The following EYS variants were observed in gnomAD, a reference collection of about 807,000 sequenced individuals.
The protein encoded by EYS is protein eyes shut homolog.
Under a neutral mutation model 282.1 loss-of-function variants are expected in EYS, and 250 were observed. The observed-to-expected ratio is 0.89, with a 90% CI of 0.80 to 0.98. EYS has a LOEUF of 0.98. Among genes scored for constraint, EYS ranks in the 50% least tolerant of loss-of-function variants. The pLI, the probability that EYS is intolerant of heterozygous loss-of-function variation, is 0.00. For synonymous variants in EYS, 1,355 were observed against 1,282.9 expected, an observed-to-expected ratio of 1.06 and a Z score of -1.20; for missense variants, 4,016 against 3,709.0, an observed-to-expected ratio of 1.08 and a Z score of -2.15.
intron 31 of EYS, among the ~76,000 whole-genome samples, chr6:64,226,493 G>C (rs1206717891): frequency 1.3e-5 from 2 of 152,016 alleles, no homozygotes; most frequent in Non-Finnish European, 2.9e-5. Context: ...TTAATAGTCA[G>C]AGGCATACGC....
intron 14 of EYS, among the ~76,000 whole-genome samples, chr6:64,991,472 G>C (rs13191815): frequency 0.26 from 39,910 of 151,240 alleles, 6,526 homozygotes; most frequent in African/African-American, 0.45. Flanking sequence ...TGAACCTTTT[G>C]GATATCATAA....
intron 26 of EYS, among the ~76,000 whole-genome samples, chr6:64,534,117 C>A (rs1005750242): frequency 6.6e-6 from 1 of 151,548 alleles, no homozygotes; most frequent in South Asian, 2.1e-4. Flanking sequence ...TGTCAAAAAT[C>A]ATCAAACCTA....
rs183813455 is a variant in EYS, at chr6:65,691,563, T to C, written c.-448+15572A>G. Among the ~76,000 whole-genome samples, 10 of 150,274 alleles carry C rather than the reference T, an allele frequency of 6.7e-5. 1 individual carries two copies. In the East Asian group the frequency reaches 2.3e-3, roughly 34 times the overall value. Reference sequence around the variant, plus strand: ...TTCACTCTGATGATACTTTCTTTTGTTGTGCAGACAATCTTTAGTTTAATT... The same window carrying C: ...TTCACTCTGATGATACTTTCTTTTGCTGTGCAGACAATCTTTAGTTTAATT... On this transcript the variant is annotated intron_variant, in intron 1 of 42. Coordinates refer to ENST00000503581, the MANE Select transcript of EYS (RefSeq NM_001142800.2).
chr6:65,056,360 C>A (rs1773413464), intron 13 of EYS, among the ~76,000 whole-genome samples: 1 of 151,924 alleles, frequency 6.6e-6, no homozygotes, highest in Non-Finnish European at 1.5e-5. Flanking sequence ...AAAATCTGGG[C>A]AGTAGAAAAA....
In EYS at chr6:63,721,200, A is replaced by C; in HGVS notation, c.8831T>G (p.Val2944Gly). The C allele has an allele frequency of 1.9e-5, 29 of 1,551,712 alleles. No homozygotes were observed. The highest frequency in any genetic ancestry group is 2.5e-5 in the Non-Finnish European group (29 of 1,146,932). The change falls in exon 43 of 43, where the codon GTG (valine) becomes GGG (glycine). Residue 2944 changes from valine to glycine, a missense_variant. Transcript: ENST00000503581. ...SYSCLCTLGWVGRYCENKTSF... is the reference protein window; with the variant it reads ...SYSCLCTLGWGGRYCENKTSF... The stretch of plus-strand genomic sequence containing the variant: ...AGTTTTGTTTTCACAATACCTTCCC[A>C]CCCAACCCAAAGTACACAGGCAACT...
At chr6:65,467,211 G>C (rs572400196) in intron 5 of EYS, among the ~76,000 whole-genome samples, 1 of 151,950 alleles carries the variant, frequency 6.6e-6, no homozygotes, top group Admixed American at 6.6e-5. Flanking sequence ...ATCAATGTAG[G>C]GGCCAATATA....
At chr6:65,639,259 A>T (rs948743011) in intron 2 of EYS, among the ~76,000 whole-genome samples, 2 of 152,264 alleles carry the variant, frequency 1.3e-5, no homozygotes, top group Non-Finnish European at 1.5e-5. Flanking sequence ...AGGAGTAGAG[A>T]AAGGAAGAGA....
intron 19 of EYS, among the ~76,000 whole-genome samples, chr6:64,880,880 A>G (rs1018470048): frequency 2.6e-5 from 4 of 150,960 alleles, no homozygotes; most frequent in African/African-American, 4.8e-5. Context: ...TAGTATGTAT[A>G]TTATACTGGC....
At chr6:65,293,774 A>G (rs1768590723) in intron 12 of EYS, among the ~76,000 whole-genome samples, 2 of 151,840 alleles carry the variant, frequency 1.3e-5, no homozygotes, top group Non-Finnish European at 2.9e-5. Context: ...TGATTCTACT[A>G]ACATAACGTT....
At chr6:65,566,274 C>T (rs1364156272) in intron 2 of EYS, among the ~76,000 whole-genome samples, 2 of 152,068 alleles carry the variant, frequency 1.3e-5, no homozygotes, top group Non-Finnish European at 1.5e-5. Flanking sequence ...GAGAGCATGC[C>T]TGTAACTTCA....
intron 35 of EYS, among the ~76,000 whole-genome samples, chr6:63,952,419 A>C (rs1294835378): frequency 5.9e-5 from 9 of 152,170 alleles, no homozygotes; most frequent in Admixed American, 5.9e-4. Context: ...TAATTCTTAC[A>C]GTGGAGGGTA....
chr6:64,646,363 T>C (rs567209893), intron 22 of EYS, among the ~76,000 whole-genome samples: 1 of 152,314 alleles, frequency 6.6e-6, no homozygotes, highest in South Asian at 2.1e-4. Context: ...TTGGATTCAT[T>C]ATGAAGATTT....
In EYS at chr6:65,391,627, C is replaced by T. The variant is rs549800515; in HGVS notation, c.1185-7127G>A. 4.6e-5 allele frequency among the ~76,000 whole-genome samples: 7 copies of T among 152,092 alleles called. No individual in the cohort carries two copies. The South Asian group carries it at 1.2e-3, about 27-fold the overall frequency. On this transcript the variant is annotated intron_variant, in intron 7 of 42. Coordinates refer to ENST00000503581, the MANE Select transcript of EYS (RefSeq NM_001142800.2). Reference sequence around the variant, plus strand: ...CCAACTTACAAGGGATGTGAAGGACCTCTTCAAGGAGAACTACAAACCACC... The same window carrying T: ...CCAACTTACAAGGGATGTGAAGGACTTCTTCAAGGAGAACTACAAACCACC...
chr6:64,135,198 C>G (rs1582321161), intron 31 of EYS, among the ~76,000 whole-genome samples: 1 of 147,992 alleles, frequency 6.8e-6, no homozygotes, highest in South Asian at 2.1e-4. Context: ...AGGGAATTCT[C>G]AACAGTAGTG....
chr6:64,989,413 A>ATATATATATATATATATG (rs1459400818), intron 14 of EYS, among the ~76,000 whole-genome samples: 2 of 122,310 alleles, frequency 1.6e-5, no homozygotes, highest in African/African-American at 6.9e-5. Context: ...ATATATATAT[A>ATATATATATATATATATG]TATGAATATA....
intron 35 of EYS, among the ~76,000 whole-genome samples, chr6:63,972,926 C>G (rs182995522): frequency 6.6e-6 from 1 of 152,160 alleles, no homozygotes; most frequent in Non-Finnish European, 1.5e-5. Flanking sequence ...TTTTCTTTAT[C>G]CAGTCTATCA....
At chr6:64,690,272 G>A (rs1010412308) in intron 22 of EYS, among the ~76,000 whole-genome samples, 3 of 151,924 alleles carry the variant, frequency 2.0e-5, no homozygotes, top group African/African-American at 7.3e-5. Context: ...TCAAAACCAC[G>A]ACGAGATACC....
chr6:64,871,959 G>A (rs1465062256), intron 19 of EYS, among the ~76,000 whole-genome samples: 6 of 152,008 alleles, frequency 3.9e-5, no homozygotes, highest in Non-Finnish European at 8.8e-5. Context: ...AGGCTGAGAG[G>A]TGATTATAAA....
At chr6:65,094,562 A>T (rs1774682597) in intron 12 of EYS, among the ~76,000 whole-genome samples, 1 of 151,424 alleles carries the variant, frequency 6.6e-6, no homozygotes, top group African/African-American at 2.4e-5. Context: ...TGAGAATAAC[A>T]GAAGACAAAC....
Sources: gnomAD v4.1 joint callset for allele counts (sites outside exome capture counted in the v4.1 genomes callset) on GRCh38, gnomAD v4.1.1 for gene constraint, MANE v1.5 for transcripts, NCBI Gene and HGNC (gene_info 2026-07-23, HGNC 2026-07-21) for gene names.